Variants in ARSJ observed in about 807,000 individuals in gnomAD.
The protein encoded by ARSJ is arylsulfatase J.
In ARSJ, 26 loss-of-function variants were observed where a neutral mutation model predicts 35.9. The ratio of observed to expected loss-of-function variants is 0.72; its 90% CI spans 0.53 to 1.00. ARSJ has a LOEUF of 1.00. Ranked by LOEUF, ARSJ falls within the 50% of genes least tolerant of loss-of-function variation. The pLI is 0.00. For synonymous variants in ARSJ, 294 were observed against 267.6 expected (o/e 1.10, Z -0.96); for missense variants, 667 against 723.6 (o/e 0.92, Z 0.90).
chr4:113,959,025 T>C (rs1726374948), intron 1 of ARSJ, among the ~76,000 whole-genome samples: 2 of 151,904 alleles, frequency 1.3e-5, no homozygotes, highest in Non-Finnish European at 2.9e-5. Flanking sequence ...GGGAGCGGGA[T>C]GGGGGTGGGA....
chr4:113,947,939 A>G (rs893847440), intron 1 of ARSJ, among the ~76,000 whole-genome samples: 2 of 152,112 alleles, frequency 1.3e-5, no homozygotes, highest in Non-Finnish European at 2.9e-5. Flanking sequence ...CTATAATCCC[A>G]GCACTTTGGG....
intron 1 of ARSJ, among the ~76,000 whole-genome samples, chr4:113,918,003 T>A (rs766116519): frequency 5.2e-4 from 79 of 152,320 alleles, no homozygotes; most frequent in Non-Finnish European, 2.5e-4. Context: ...GAGTTCAATA[T>A]GGTTGTTAGA....
chr4:113,960,589 T>C (rs1192855705), intron 1 of ARSJ, among the ~76,000 whole-genome samples: 2 of 152,088 alleles, frequency 1.3e-5, no homozygotes, highest in Admixed American at 1.3e-4. Flanking sequence ...AATCAAAGAA[T>C]TTTCTTATAA....
intron 1 of ARSJ, among the ~76,000 whole-genome samples, chr4:113,914,298 A>G (rs1056431328): frequency 1.8e-4 from 28 of 152,156 alleles, no homozygotes; most frequent in South Asian, 6.2e-4. Context: ...TTTTGAAAAC[A>G]TGATCTCTCA....
chr4:113,950,768 A>G (rs939207627), intron 1 of ARSJ, among the ~76,000 whole-genome samples: 1 of 152,098 alleles, frequency 6.6e-6, no homozygotes, highest in East Asian at 1.9e-4. Flanking sequence ...TAAGTCTTGC[A>G]CATTAAGAGC....
In ARSJ at chr4:113,903,500, C is replaced by T; in HGVS notation, c.574G>A (p.Gly192Arg). 4 of 1,614,164 alleles carry T rather than the reference C, an allele frequency of 2.5e-6. No individual in the cohort carries two copies. The highest frequency in any genetic ancestry group is 3.4e-6 in the Non-Finnish European group (4 of 1,180,016). Reference protein sequence around the residue: ...YRKECMPTRRGFDTFFGSLLG... With the variant: ...YRKECMPTRRRFDTFFGSLLG... ...AGGGAACCAAAAAAGGTATCAAATC[C>T]TCTTCTGGTGGGCATGCATTCTTTT... Residue 192 changes from glycine to arginine, a missense_variant, in exon 2 of 2, where the codon GGA becomes AGA. Gly to Arg is a moderately radical substitution (Grantham distance 125, BLOSUM62 -2). Transcript: ENST00000315366.
chr4:113,943,532 C>T (rs1725289529), intron 1 of ARSJ: 1 of 152,026 alleles, frequency 6.6e-6, no homozygotes, highest in South Asian at 2.1e-4. Flanking sequence ...CAGGGCTTCT[C>T]ACTTCCCACA....
At chr4:113,926,731 G>A (rs1365213775) in intron 1 of ARSJ, among the ~76,000 whole-genome samples, 6 of 152,174 alleles carry the variant, frequency 3.9e-5, no homozygotes, top group African/African-American at 1.4e-4. Flanking sequence ...GGGTCAGAAA[G>A]CATCCAGTTC....
intron 1 of ARSJ, among the ~76,000 whole-genome samples, chr4:113,927,722 A>T (rs969611968): frequency 8.5e-5 from 13 of 152,124 alleles, no homozygotes; most frequent in African/African-American, 1.2e-4. Context: ...TGCTTAGGAG[A>T]ATCCATTGTC....
In ARSJ at chr4:113,978,812, C is replaced by A. The variant is rs368259884; in HGVS notation, c.23G>T (p.Gly8Val). 20 of 1,609,196 alleles carry A rather than the reference C, an allele frequency of 1.2e-5. No homozygotes were observed. The highest frequency in any genetic ancestry group is 1.7e-5 in the Non-Finnish European group (20 of 1,177,712). The change falls in exon 1 of 2, where the codon GGG becomes GTG. Residue 8 changes from glycine (G) to valine (V), a missense_variant. Coordinates refer to ENST00000315366, the MANE Select transcript of ARSJ (RefSeq NM_024590.4). ...CTGTGGAGAAGGCGGAGGCGGATGCCCCGCACAGCCCCTGGGAGCCATTCA... is the reference window on the plus strand; with the variant it reads ...CTGTGGAGAAGGCGGAGGCGGATGCACCGCACAGCCCCTGGGAGCCATTCA... Reference protein sequence around the residue: MAPRGCAGHPPPPSPQAC... With the variant: MAPRGCAVHPPPPSPQAC...
At chr4:113,933,929 T>C (rs1724609681) in intron 1 of ARSJ, among the ~76,000 whole-genome samples, 2 of 151,690 alleles carry the variant, frequency 1.3e-5, no homozygotes, top group Non-Finnish European at 1.5e-5. Flanking sequence ...GCGATCCAAA[T>C]TGGCAAAAAA....
intron 1 of ARSJ, among the ~76,000 whole-genome samples, chr4:113,920,607 C>T (rs1371779104): frequency 6.6e-6 from 1 of 152,036 alleles, no homozygotes; most frequent in Non-Finnish European, 1.5e-5. Context: ...CTAAATTCTC[C>T]TAAAATGAAA....
chr4:113,944,499 A>C (rs1418897232), intron 1 of ARSJ, among the ~76,000 whole-genome samples: 17 of 152,058 alleles, frequency 1.1e-4, no homozygotes, highest in Non-Finnish European at 5.9e-5. Flanking sequence ...TAGTTGAAAC[A>C]ACATGTCCAA....
At chr4:113,959,488 A>G (rs1726405997) in intron 1 of ARSJ, among the ~76,000 whole-genome samples, 1 of 152,064 alleles carries the variant, frequency 6.6e-6, no homozygotes, top group Non-Finnish European at 1.5e-5. Flanking sequence ...TCACAGCCTG[A>G]AGAAAGAATT....
At chr4:113,955,497 G>A (rs1726122145) in intron 1 of ARSJ, among the ~76,000 whole-genome samples, 1 of 151,314 alleles carries the variant, frequency 6.6e-6, no homozygotes, top group South Asian at 2.1e-4. Context: ...ATCTGCAGGA[G>A]CTGTGCCACC....
intron 1 of ARSJ, among the ~76,000 whole-genome samples, chr4:113,932,987 G>A (rs900558233): frequency 4.6e-5 from 7 of 151,790 alleles, no homozygotes; most frequent in African/African-American, 1.7e-4. Flanking sequence ...AGAAAACAGA[G>A]AAGACCTAAA....
intron 1 of ARSJ, among the ~76,000 whole-genome samples, chr4:113,966,483 A>G (rs1726902321): frequency 6.6e-6 from 1 of 152,166 alleles, no homozygotes. Flanking sequence ...AAGGCTGCAC[A>G]TGTGCTGTCA....
chr4:113,902,775 G>C lies in ARSJ; in HGVS notation c.1299C>G (p.Ser433=), dbSNP rs2099667540. Residue 433 remains serine (S), a synonymous_variant, in exon 2 of 2, where the codon TCC becomes TCG. Coordinates refer to ENST00000315366, the MANE Select transcript of ARSJ (RefSeq NM_024590.4). The part of the protein sequence containing the change: ...DPIYTKAKNG[S]WAAGYGIWNT... ...TCCAGATCCCATAGCCTGCTGCCCA[G>C]GAGCCATTTTTTGCCTTGGTGTATA... 6.2e-7 allele frequency: 1 copy of C among 1,614,142 alleles called. No individual in the cohort carries two copies. The highest frequency in any genetic ancestry group is 1.3e-5 in the African/African-American group (1 of 75,048).
rs1354082000 is a variant in ARSJ at position 113,903,064 on chromosome 4, C to T, written c.1010G>A (p.Ser337Asn). 1 of 1,614,088 alleles carries T rather than the reference C, an allele frequency of 6.2e-7. No homozygotes were observed. Among genetic ancestry groups the T allele is most frequent in the Non-Finnish European group, 8.5e-7 (1 of 1,180,046 alleles). Residue 337 changes from serine (S) to asparagine (N), a missense_variant, in exon 2 of 2, where the codon AGT (serine) becomes AAT (asparagine). Ser to Asn is a conservative substitution (Grantham distance 46, BLOSUM62 1). Coordinates refer to ENST00000315366, the MANE Select transcript of ARSJ (RefSeq NM_024590.4). ...DNGGQPTAGG[S>N]NWPLRGSKGT... Reference sequence around the variant, plus strand: ...TTTGCTACCTCTGAGAGGCCAGTTACTCCCTCCTGCCGTAGGCTGGCCACC... The same window carrying T: ...TTTGCTACCTCTGAGAGGCCAGTTATTCCCTCCTGCCGTAGGCTGGCCACC...
Sources: gnomAD v4.1 joint callset for allele counts (sites outside exome capture counted in the v4.1 genomes callset) on GRCh38, gnomAD v4.1.1 for gene constraint, MANE v1.5 for transcripts, NCBI Gene and HGNC (gene_info 2026-07-23, HGNC 2026-07-21) for gene names.